GRID2: variants seen among roughly 807,000 people sequenced by gnomAD.
GRID2 encodes glutamate ionotropic receptor delta type subunit 2, also known as glutamate receptor ionotropic, delta-2.
GRID2 carries 33 observed loss-of-function variants against 114.8 expected under a neutral mutation model. The observed-to-expected ratio is 0.29, with a 90% CI of 0.22 to 0.38. The LOEUF (loss-of-function observed/expected upper bound fraction) is 0.38. Ranked by LOEUF, GRID2 falls within the 10% of genes least tolerant of loss-of-function variation. The pLI, the probability that GRID2 is intolerant of heterozygous loss-of-function variation, is 1.00. For synonymous variants in GRID2, 505 were observed against 449.9 expected, an observed-to-expected ratio of 1.12 and a Z score of -1.55; for missense variants, 1,184 against 1,257.7, an observed-to-expected ratio of 0.94 and a Z score of 0.89.
chr4:93,048,948 C>A (rs1260002079), intron 2 of GRID2, among the ~76,000 whole-genome samples: 1 of 151,916 alleles, frequency 6.6e-6, no homozygotes, highest in Non-Finnish European at 1.5e-5. Flanking sequence ...TTAAATATGG[C>A]CCCTGGGTTT....
chr4:93,600,563 A>G (rs1739571110), intron 13 of GRID2, among the ~76,000 whole-genome samples: 1 of 152,144 alleles, frequency 6.6e-6, no homozygotes, highest in Non-Finnish European at 1.5e-5. Context: ...AAAGACTAAT[A>G]GCACCAAATA....
In GRID2 at chr4:93,085,237, T is replaced by C. The variant is rs756676908; in HGVS notation, c.487T>C (p.Tyr163His). ...HDVILRVVTE[Y>H]AWQKFIIFYD... ...TGTTATCCTAAGAGTGGTCACAGAG[T>C]ATGCCTGGCAGAAATTCATTATATT... Residue 163 changes from tyrosine (Y) to histidine (H), a missense_variant, in exon 3 of 16, where the codon TAT (tyrosine) becomes CAT (histidine). Coordinates refer to ENST00000282020, the MANE Select transcript of GRID2 (RefSeq NM_001510.4). 6.2e-7 allele frequency: 1 copy of C among 1,613,630 alleles called. No individual in the cohort carries two copies.
At chr4:93,442,031 T>C (rs1446914227) in intron 10 of GRID2, among the ~76,000 whole-genome samples, 1 of 152,022 alleles carries the variant, frequency 6.6e-6, no homozygotes, top group African/African-American at 2.4e-5. Context: ...ACAGCCAGAA[T>C]TGATTTACTT....
chr4:92,588,038 A>G (rs907188143), intron 1 of GRID2, among the ~76,000 whole-genome samples: 2 of 152,276 alleles, frequency 1.3e-5, no homozygotes, highest in African/African-American at 4.8e-5. Flanking sequence ...TTCAGCTTCA[A>G]TTGTAAAAAA....
intron 8 of GRID2, among the ~76,000 whole-genome samples, chr4:93,348,472 A>G (rs1760462640): frequency 6.6e-6 from 1 of 152,174 alleles, no homozygotes; most frequent in East Asian, 1.9e-4. Flanking sequence ...GTTAGTGTCA[A>G]TGCAGTTAAT....
At chr4:93,417,994 G>C (rs1295549045) in intron 9 of GRID2, among the ~76,000 whole-genome samples, 4 of 149,578 alleles carry the variant, frequency 2.7e-5, no homozygotes, top group African/African-American at 9.9e-5. Flanking sequence ...CTAGGACTTA[G>C]CCATGCATAT....
intron 8 of GRID2, among the ~76,000 whole-genome samples, chr4:93,354,704 G>A (rs1761146858): frequency 6.8e-6 from 1 of 146,592 alleles, no homozygotes; most frequent in South Asian, 2.1e-4. Context: ...GTGTGTGTGT[G>A]TGTGTGTGTG....
At chr4:93,602,452 A>AT (rs1739774567) in intron 13 of GRID2, among the ~76,000 whole-genome samples, 2 of 152,168 alleles carry the variant, frequency 1.3e-5, no homozygotes, top group South Asian at 4.1e-4. Flanking sequence ...TATTGATGCC[A>AT]TTTTTCCCAA....
chr4:92,607,716 G>A (rs1289682218), intron 2 of GRID2, among the ~76,000 whole-genome samples: 1 of 151,880 alleles, frequency 6.6e-6, no homozygotes, highest in Non-Finnish European at 1.5e-5. Context: ...CTTACAAGAT[G>A]TGATCAGTAT....
chr4:93,192,139 C>G (rs886819451), intron 4 of GRID2, among the ~76,000 whole-genome samples: 2 of 152,074 alleles, frequency 1.3e-5, no homozygotes, highest in African/African-American at 4.8e-5. Context: ...AGTAATTTAC[C>G]TAGAGAGGAA....
chr4:93,164,399 A>G (rs1055310970), intron 4 of GRID2, among the ~76,000 whole-genome samples: 1 of 152,102 alleles, frequency 6.6e-6, no homozygotes, highest in African/African-American at 2.4e-5. Flanking sequence ...TTTTATTACA[A>G]GACAAATTAA....
chr4:92,574,189 T>C (rs1727771433), intron 1 of GRID2, among the ~76,000 whole-genome samples: 1 of 152,116 alleles, frequency 6.6e-6, no homozygotes, highest in Admixed American at 6.6e-5. Context: ...TGTGTGTCTT[T>C]GTATGTGAGA....
chr4:93,517,231 G>T (rs755998875), intron 13 of GRID2, among the ~76,000 whole-genome samples: 1 of 87,602 alleles, frequency 1.1e-5, no homozygotes, highest in Non-Finnish European at 2.2e-5. Flanking sequence ...CAATTTATAT[G>T]TGAGGGATTT....
At chr4:93,579,448 A>G (rs1035888886) in intron 13 of GRID2, among the ~76,000 whole-genome samples, 3 of 152,158 alleles carry the variant, frequency 2.0e-5, no homozygotes, top group South Asian at 2.1e-4. Flanking sequence ...TTAACCATAT[A>G]GGGAAATGAC....
chr4:92,836,433 C>T (rs1281540912), intron 2 of GRID2, among the ~76,000 whole-genome samples: 7 of 152,000 alleles, frequency 4.6e-5, no homozygotes, highest in Admixed American at 4.6e-4. Flanking sequence ...GTTTTGACCT[C>T]ATATGACAAG....
chr4:92,920,932 C>T (rs573764797), intron 2 of GRID2, among the ~76,000 whole-genome samples: 187 of 152,220 alleles, frequency 1.2e-3, no homozygotes, highest in African/African-American at 4.2e-3. Flanking sequence ...GGATAATATC[C>T]TGCAGAGTGT....
In GRID2 at chr4:92,725,597, G is replaced by A. The variant is rs77340918; in HGVS notation, c.244+135311G>A. Among the ~76,000 whole-genome samples, 984 of 152,168 alleles carry A rather than the reference G, an allele frequency of 6.5e-3. 8 individuals carry two copies. Among genetic ancestry groups the A allele is most frequent in the African/African-American group, 0.023 (938 of 41,526 alleles). On this transcript the variant is annotated intron_variant, in intron 2 of 15. Transcript: ENST00000282020. ...TTAGATCTTATTTTGTCAAGGAAGC[G>A]TCAGTTTGTAAAATGGAAGTGACAG...
Position 93,154,524 on chromosome 4 carries a change from A to G in GRID2, c.735+43571A>G, listed in dbSNP as rs561747838. ...TAGCTTGGCTAAACCGTTAAACAAT[A>G]TTTGTCATTTAAAATCATCTACTAA... On this transcript the variant is annotated intron_variant, in intron 4 of 15. Coordinates refer to ENST00000282020, the MANE Select transcript of GRID2 (RefSeq NM_001510.4). Among the ~76,000 whole-genome samples, 5 of 152,118 alleles carry G rather than the reference A, an allele frequency of 3.3e-5. No homozygotes were observed. In the South Asian group the frequency reaches 8.3e-4, roughly 25 times the overall value.
At chr4:92,611,531 A>G (rs1729744061) in intron 2 of GRID2, among the ~76,000 whole-genome samples, 1 of 151,536 alleles carries the variant, frequency 6.6e-6, no homozygotes, top group African/African-American at 2.4e-5. Context: ...TCAACATATG[A>G]ACTTTTGAGG....
Sources: gnomAD v4.1 joint callset for allele counts (sites outside exome capture counted in the v4.1 genomes callset) on GRCh38, gnomAD v4.1.1 for gene constraint, MANE v1.5 for transcripts, NCBI Gene and HGNC (gene_info 2026-07-23, HGNC 2026-07-21) for gene names.